Variants in MAPK10 observed in about 807,000 individuals in gnomAD.
The protein encoded by MAPK10 is JNK3 alpha protein kinase.
A neutral mutation model predicts 59.3 loss-of-function variants in MAPK10; 25 were observed. The observed-to-expected ratio is 0.42, with a 90% CI of 0.31 to 0.59. The LOEUF (loss-of-function observed/expected upper bound fraction) is 0.59. Among genes scored for constraint, MAPK10 ranks in the 20% least tolerant of loss-of-function variants. MAPK10 has a pLI of 0.15. For synonymous variants in MAPK10, 190 were observed against 200.5 expected (o/e 0.95, Z 0.44); for missense variants, 351 against 568.9 (o/e 0.62, Z 3.90).
intron 1 of MAPK10, among the ~76,000 whole-genome samples, chr4:86,538,881 T>C (rs1758454822): frequency 6.6e-6 from 1 of 152,016 alleles, no homozygotes; most frequent in African/African-American, 2.4e-5. Context: ...GAAACAGAAA[T>C]TAGAAATAAA....
intron 13 of MAPK10, among the ~76,000 whole-genome samples, chr4:86,022,013 A>C (rs1440320946): frequency 6.6e-6 from 1 of 152,160 alleles, no homozygotes; most frequent in East Asian, 1.9e-4. Flanking sequence ...CTGCAAGCTG[A>C]GGGAGTGGGC....
chr4:86,289,022 G>T (rs2095130365), intron 2 of MAPK10, among the ~76,000 whole-genome samples: 1 of 152,064 alleles, frequency 6.6e-6, no homozygotes, highest in Non-Finnish European at 1.5e-5. Context: ...GGTGATGAAG[G>T]CTATCAAGAA....
chr4:86,586,369 C>T (rs901883887), intron 1 of MAPK10, among the ~76,000 whole-genome samples: 2 of 152,184 alleles, frequency 1.3e-5, no homozygotes, highest in Admixed American at 6.5e-5. Context: ...GGGCCACCCT[C>T]ATACCACATA....
chr4:86,125,969 A>C lies in MAPK10; in HGVS notation c.237-18617T>G, dbSNP rs1356812641. On this transcript the variant is annotated intron_variant, in intron 4 of 13. Coordinates refer to ENST00000641462, the MANE Select transcript of MAPK10 (RefSeq NM_138982.4). The stretch of plus-strand genomic sequence containing the variant: ...CCTGTAAAATTGATGAGATTCATTA[A>C]GTGACCCACAGGAATTAGAAATGAT... 2.6e-5 allele frequency: 4 copies of C among 152,238 alleles called. No individual in the cohort carries two copies. In the East Asian group the frequency reaches 7.7e-4, roughly 29 times the overall value. 9.4% of individuals were successfully genotyped at this position (152,238 alleles called of 1,614,324 possible). A position where few individuals can be genotyped will look rare whatever the true frequency, so the allele number is the denominator to read the frequency against.
chr4:86,569,176 C>T (rs373770673), intron 1 of MAPK10, among the ~76,000 whole-genome samples: 51 of 152,086 alleles, frequency 3.4e-4, no homozygotes, highest in African/African-American at 9.9e-4. Flanking sequence ...GACATACAAG[C>T]GGCCAATAAA....
At chr4:86,367,704 C>T (rs1419010711) in intron 1 of MAPK10, among the ~76,000 whole-genome samples, 1 of 151,678 alleles carries the variant, frequency 6.6e-6, no homozygotes, top group African/African-American at 2.4e-5. Context: ...GCAGCTAGTC[C>T]TGTGTCAGAC....
chr4:86,558,828 T>C (rs564265607), intron 1 of MAPK10, among the ~76,000 whole-genome samples: 22 of 136,150 alleles, frequency 1.6e-4, no homozygotes, highest in African/African-American at 5.7e-4. Flanking sequence ...TATAAAACTT[T>C]CAGGAAAAAA....
intron 1 of MAPK10, among the ~76,000 whole-genome samples, chr4:86,407,632 C>T (rs1261469743): frequency 6.6e-6 from 1 of 151,990 alleles, no homozygotes; most frequent in Non-Finnish European, 1.5e-5. Flanking sequence ...AGATCCCAGT[C>T]TGAGCACATA....
intron 1 of MAPK10, among the ~76,000 whole-genome samples, chr4:86,394,397 TAG>T (rs1256561087): frequency 6.6e-6 from 1 of 152,218 alleles, no homozygotes; most frequent in Non-Finnish European, 1.5e-5. Context: ...AGTGATTTTT[TAG>T]AGAGACTATA....
chr4:86,485,743 G>A (rs1371551031), intron 1 of MAPK10, among the ~76,000 whole-genome samples: 2 of 152,190 alleles, frequency 1.3e-5, no homozygotes, highest in Non-Finnish European at 2.9e-5. Context: ...TCTGTAAAGA[G>A]ATAATTACAG....
At chr4:86,254,846 T>G (rs1459003217) in intron 2 of MAPK10, among the ~76,000 whole-genome samples, 1 of 152,050 alleles carries the variant, frequency 6.6e-6, no homozygotes, top group Non-Finnish European at 1.5e-5. Flanking sequence ...TTAGAACATC[T>G]TTTTTTAAAG....
At chr4:86,524,677 T>G (rs1389265819) in intron 1 of MAPK10, among the ~76,000 whole-genome samples, 2 of 152,214 alleles carry the variant, frequency 1.3e-5, no homozygotes, top group Admixed American at 6.5e-5. Flanking sequence ...TTTCTGGTCA[T>G]GTAACACTGC....
At chr4:86,504,437 T>C (rs1332673815) in intron 1 of MAPK10, among the ~76,000 whole-genome samples, 1 of 152,190 alleles carries the variant, frequency 6.6e-6, no homozygotes, top group Non-Finnish European at 1.5e-5. Flanking sequence ...TACCATATTA[T>C]ACTATTACTT....
At chr4:86,103,311 A>T (rs1014475175) in intron 5 of MAPK10, 67 bp from the exon 6 acceptor site, 22 of 871,790 alleles carry the variant, frequency 2.5e-5, no homozygotes, top group Middle Eastern at 2.3e-4. Context: ...TATTATTTTT[A>T]AATTGTATTT....
intron 2 of MAPK10, among the ~76,000 whole-genome samples, chr4:86,237,095 G>A (rs1030488198): frequency 6.6e-6 from 1 of 151,972 alleles, no homozygotes; most frequent in Non-Finnish European, 1.5e-5. Flanking sequence ...GTGGTGTTTG[G>A]TTTTCTGTTC....
At chr4:86,207,611 G>A (rs1244662109) in intron 2 of MAPK10, among the ~76,000 whole-genome samples, 1 of 152,078 alleles carries the variant, frequency 6.6e-6, no homozygotes, top group East Asian at 1.9e-4. Flanking sequence ...GATGGGGATG[G>A]CATTGAATCT....
At chr4:86,230,345 A>G (rs2091360800) in intron 2 of MAPK10, among the ~76,000 whole-genome samples, 1 of 152,236 alleles carries the variant, frequency 6.6e-6, no homozygotes, top group African/African-American at 2.4e-5. Flanking sequence ...ACTCAAAGAA[A>G]ACAGCACACA....
At chr4:86,055,307 T>C (rs1385390285) in intron 11 of MAPK10, among the ~76,000 whole-genome samples, 1 of 133,504 alleles carries the variant, frequency 7.5e-6, no homozygotes, top group African/African-American at 3.1e-5. Flanking sequence ...TAGTTTGTCT[T>C]ACTTGTGAAA....
chr4:86,227,485 TAA>T (rs557108399), intron 2 of MAPK10, among the ~76,000 whole-genome samples: 19 of 114,122 alleles, frequency 1.7e-4, no homozygotes, highest in Non-Finnish European at 2.7e-4. Flanking sequence ...AGACTCCCTC[TAA>T]AAAAAAAAAA....
Sources: gnomAD v4.1 joint callset for allele counts (sites outside exome capture counted in the v4.1 genomes callset) on GRCh38, gnomAD v4.1.1 for gene constraint, MANE v1.5 for transcripts, NCBI Gene and HGNC (gene_info 2026-07-23, HGNC 2026-07-21) for gene names.